The following WDHD1 variants were observed in gnomAD, a reference collection of about 807,000 sequenced individuals.
WDHD1 encodes WD repeat and HMG-box DNA-binding protein 1.
In WDHD1, 111 loss-of-function variants were observed where a neutral mutation model predicts 135.4. That is an observed-to-expected ratio of 0.82 (90% CI 0.70 to 0.96). WDHD1 has a LOEUF of 0.96. WDHD1 is among the 40% of genes least tolerant of loss of function. WDHD1 has a pLI of 0.00. For missense variants in WDHD1, 1,351 were observed against 1,336.3 expected (o/e 1.01, Z -0.17); for synonymous variants, 434 against 439.0 (o/e 0.99, Z 0.14).
intron 18 of WDHD1, 112 bp downstream of exon 18, chr14:54,966,363 A>AAC: frequency 7.5e-7 from 1 of 1,325,996 alleles, no homozygotes; most frequent in Non-Finnish European, 9.9e-7. Context: ...AACAAAAAAA[A>AAC]ACTTAAGAAT....
intron 22 of WDHD1, 89 bp downstream of exon 22, chr14:54,957,502 AG>A: frequency 8.3e-7 from 1 of 1,207,330 alleles, no homozygotes; most frequent in Non-Finnish European, 1.2e-6. Context: ...CATGCCTCCA[AG>A]TCTGGGGAGA....
At chr14:55,004,768 A>G in intron 7 of WDHD1, 1 of 388,852 alleles carries the variant, frequency 2.6e-6, no homozygotes, top group Admixed American at 3.2e-5. Context: ...TTTATTTTTC[A>G]TCAACCTTAT....
At chr14:55,024,586 G>C (rs2042401581) in intron 2 of WDHD1, among the ~76,000 whole-genome samples, 1 of 152,062 alleles carries the variant, frequency 6.6e-6, no homozygotes. Flanking sequence ...TTGTTACTGT[G>C]TCTGTGTAGA....
Position 54,963,073 on chromosome 14 carries a change from G to A in WDHD1, c.2410C>T (p.Arg804Trp), listed in dbSNP as rs990800272. The stretch of plus-strand genomic sequence containing the variant: ...AGTTTTTGAGCCAGTATTAATTTCC[G>A]AGAGCGAGAAGCATATTTAATGGCT... ...NLAIKYASRS[R>W]KLILAQKLSE... Residue 804 changes from arginine to tryptophan, a missense_variant, in exon 19 of 26, where the codon CGG becomes TGG. By Grantham distance (101) the Arg-to-Trp change is moderately radical. Transcript: ENST00000360586. The A allele has an allele frequency of 1.9e-6, 3 of 1,599,342 alleles. No homozygotes were observed. The highest frequency in any genetic ancestry group is 1.7e-4 in the Middle Eastern group (1 of 6,006).
intron 21 of WDHD1, 93 bp downstream of exon 21, chr14:54,962,405 C>T: frequency 1.1e-6 from 1 of 913,378 alleles, no homozygotes; most frequent in East Asian, 2.4e-5. Flanking sequence ...CCAAAAGTGG[C>T]CTTAAGAGTT....
chr14:54,975,713 T>A (rs1315591161), intron 16 of WDHD1, among the ~76,000 whole-genome samples: 3 of 151,846 alleles, frequency 2.0e-5, no homozygotes, highest in Non-Finnish European at 4.4e-5. Context: ...CTTTTTTTTT[T>A]AAAGAGACGG....
intron 25 of WDHD1, among the ~76,000 whole-genome samples, chr14:54,943,844 A>T (rs74735607): frequency 0.026 from 3,839 of 147,702 alleles, 67 homozygotes; most frequent in South Asian, 0.05. Context: ...TGTCTCTATA[A>T]AAAAAAAAAA....
At chr14:54,951,657 A>G (rs1405028408) in intron 24 of WDHD1, among the ~76,000 whole-genome samples, 1 of 152,236 alleles carries the variant, frequency 6.6e-6, no homozygotes, top group Non-Finnish European at 1.5e-5. Context: ...TTATGAGGCC[A>G]GCATCATCCT....
At chr14:55,022,437 T>C (rs553174647) in intron 2 of WDHD1, among the ~76,000 whole-genome samples, 131 of 151,998 alleles carry the variant, frequency 8.6e-4, no homozygotes, top group Middle Eastern at 6.8e-3. Context: ...GTGGCATTTT[T>C]CCCCCCACAG....
In WDHD1 at chr14:54,957,205, C is replaced by G. The variant is rs371258231; in HGVS notation, c.2746-1G>C. 1.3e-5 allele frequency: 21 copies of G among 1,612,330 alleles called. No individual in the cohort carries two copies. The highest frequency in any genetic ancestry group is 1.8e-5 in the Non-Finnish European group (21 of 1,179,120). On this transcript the variant is annotated splice_acceptor_variant, in intron 22 of 25. Transcript: ENST00000360586. LOFTEE classifies it high-confidence loss of function. ...CTGGTTCTTTGGAACTGGCTGATAC[C>G]TAAAGAGCAAACTAGTGTTAGCACT...
rs186338224 is a variant in WDHD1, at chr14:54,971,149, G to A, written c.2064-3755C>T. On this transcript the variant is annotated intron_variant, in intron 16 of 25. Transcript: ENST00000360586. ...TATAAAAATCCCAGAAGAAACCCTA[G>A]CAAATACCCTTCAGGATATTGGCCT... 1.2e-3 allele frequency among the ~76,000 whole-genome samples: 185 copies of A among 152,262 alleles called. 2 individuals are homozygous for A. Among genetic ancestry groups the A allele is most frequent in the Admixed American group, 0.011 (166 of 15,286 alleles).
intron 25 of WDHD1, among the ~76,000 whole-genome samples, chr14:54,942,228 G>A (rs941276631): frequency 3.3e-5 from 5 of 151,422 alleles, no homozygotes; most frequent in African/African-American, 4.9e-5. Flanking sequence ...TCCAGCCTGG[G>A]CGAGAGCAAG....
chr14:55,013,483 A>T lies in WDHD1; in HGVS notation c.189+2T>A. The T allele has an allele frequency of 6.2e-7, 1 of 1,603,844 alleles. No individual in the cohort carries two copies. Among genetic ancestry groups the T allele is most frequent in the Non-Finnish European group, 8.5e-7 (1 of 1,170,738 alleles). On this transcript the variant is annotated splice_donor_variant, in intron 3 of 25. Transcript: ENST00000360586. LOFTEE classifies it high-confidence loss of function. ...ATCAATTGATATAACTGTTTTTACT[A>T]CCTTCAAAGCACATGAATATGCCTT...
Position 55,002,113 on chromosome 14 carries a change from A to G in WDHD1, c.673T>C (p.Ser225Pro), listed in dbSNP as rs1404877404. The change falls in exon 8 of 26, where the codon TCA (serine) becomes CCA (proline). Residue 225 changes from serine to proline, a missense_variant. Coordinates refer to ENST00000360586, the MANE Select transcript of WDHD1 (RefSeq NM_007086.4). ...CCTACCTGAGAGATGAAATTATCTG[A>G]AAGATCAAATTGATGACTCCAAGAT... ...RESWSHQFDL[S>P]DNFISQTLNI... 1 of 1,607,430 alleles carries G rather than the reference A, an allele frequency of 6.2e-7. No individual in the cohort carries two copies. Among genetic ancestry groups the G allele is most frequent in the East Asian group, 2.2e-5 (1 of 44,700 alleles).
At chr14:55,004,084 C>T (rs1205292111) in intron 7 of WDHD1, among the ~76,000 whole-genome samples, 3 of 152,060 alleles carry the variant, frequency 2.0e-5, no homozygotes, top group Non-Finnish European at 4.4e-5. Context: ...AATTTTATTT[C>T]CTGAAAAATT....
At chr14:55,005,274 A>G (rs2042046511) in intron 7 of WDHD1, 1 of 542,398 alleles carries the variant, frequency 1.8e-6, no homozygotes, top group East Asian at 4.8e-5. Context: ...ACGTTAACAT[A>G]AGATGCCTCT....
Position 55,010,461 on chromosome 14 carries a change from C to A in WDHD1, c.190-1G>T. 2 of 1,557,870 alleles carry A rather than the reference C, an allele frequency of 1.3e-6. No homozygotes were observed. Among genetic ancestry groups the A allele is most frequent in the South Asian group, 1.2e-5 (1 of 81,218 alleles). Reference sequence around the variant, plus strand: ...AAACTGCAGTGACCAGTTTTCCACTCTAAAAGAAAAATTAAGGTAAGAAAC... The same window carrying A: ...AAACTGCAGTGACCAGTTTTCCACTATAAAAGAAAAATTAAGGTAAGAAAC... On this transcript the variant is annotated splice_acceptor_variant, in intron 3 of 25. Transcript: ENST00000360586. LOFTEE classifies it high-confidence loss of function.
In WDHD1 at chr14:54,942,243, C is replaced by T. The variant is rs555374011; in HGVS notation, c.3190-553G>A. Reference sequence around the variant, plus strand: ...TCCAGCCTGGGCGAGAGCAAGACTCCGTCTCAAAAAATAAATAAATAAATA... The same window carrying T: ...TCCAGCCTGGGCGAGAGCAAGACTCTGTCTCAAAAAATAAATAAATAAATA... On this transcript the variant is annotated intron_variant, in intron 25 of 25. Transcript: ENST00000360586. Among the ~76,000 whole-genome samples the T allele has an allele frequency of 1.7e-3, 243 of 144,642 alleles. 1 individual carries two copies. Among genetic ancestry groups the T allele is most frequent in the Admixed American group, 0.015 (208 of 14,336 alleles). 94.9% of individuals were successfully genotyped at this position (144,642 alleles called of 152,430 possible).
intron 21 of WDHD1, among the ~76,000 whole-genome samples, chr14:54,960,949 A>G (rs1005136755): frequency 6.6e-6 from 1 of 152,120 alleles, no homozygotes; most frequent in Non-Finnish European, 1.5e-5. Flanking sequence ...ACCGGTGTGT[A>G]CTACCATGCC....
Sources: gnomAD v4.1 joint callset for allele counts (sites outside exome capture counted in the v4.1 genomes callset) on GRCh38, gnomAD v4.1.1 for gene constraint, MANE v1.5 for transcripts, NCBI Gene and HGNC (gene_info 2026-07-23, HGNC 2026-07-21) for gene names.